NLK: variants seen among roughly 807,000 people sequenced by gnomAD.
NLK encodes the protein nemo like kinase.
In NLK, 11 loss-of-function variants were observed where a neutral mutation model predicts 59.0. That is an observed-to-expected ratio of 0.19 (90% confidence interval 0.12 to 0.31). NLK has a LOEUF of 0.31. Ranked by LOEUF, NLK falls within the 10% of genes least tolerant of loss-of-function variation. The probability of loss-of-function intolerance (pLI) is 1.00; values close to 1 mark genes in which losing one functional copy is unlikely to be tolerated. For synonymous variants in NLK, 235 were observed against 235.9 expected (o/e 1.00, Z 0.03); for missense variants, 410 against 661.1 (o/e 0.62, Z 4.16).
At chr17:28,183,052 G>A (rs761521732) in intron 7 of NLK, among the ~76,000 whole-genome samples, 16 of 152,164 alleles carry the variant, frequency 1.1e-4, no homozygotes, top group Non-Finnish European at 2.1e-4. Flanking sequence ...AAGAAACAGA[G>A]GATGTAAAAA....
At chr17:28,085,914 G>A (rs1050955694) in intron 1 of NLK, among the ~76,000 whole-genome samples, 2 of 152,108 alleles carry the variant, frequency 1.3e-5, no homozygotes, top group African/African-American at 2.4e-5. Flanking sequence ...AGGCTATACC[G>A]TATAGCCTAG....
At chr17:28,103,097 A>AAAAT (rs139640654) in intron 1 of NLK, among the ~76,000 whole-genome samples, 5 of 152,174 alleles carry the variant, frequency 3.3e-5, no homozygotes, top group African/African-American at 7.2e-5. Flanking sequence ...GAAAAATGGC[A>AAAAT]AAATAAATAA....
chr17:28,166,728 G>A (rs553603305), intron 5 of NLK, among the ~76,000 whole-genome samples: 124 of 152,096 alleles, frequency 8.2e-4, no homozygotes, highest in Non-Finnish European at 1.5e-3. Flanking sequence ...GTGGTGGCAC[G>A]GCTGCTGTTT....
At chr17:28,077,161 C>T (rs1176278883) in intron 1 of NLK, among the ~76,000 whole-genome samples, 1 of 146,650 alleles carries the variant, frequency 6.8e-6, no homozygotes, top group Non-Finnish European at 1.5e-5. Flanking sequence ...CTTTCCTTCC[C>T]TTGTTTGCCA....
chr17:28,202,175 T>C, the NLK span, among the ~76,000 whole-genome samples: 17 of 152,190 alleles, frequency 1.1e-4, no homozygotes, highest in Admixed American at 7.2e-4. Flanking sequence ...GCAAGAGGTA[T>C]TACTTGAAGC....
intron 4 of NLK, among the ~76,000 whole-genome samples, chr17:28,162,848 G>A (rs377390674): frequency 3.0e-4 from 45 of 152,032 alleles, no homozygotes; most frequent in African/African-American, 1.1e-3. Flanking sequence ...GAGCCAGGAA[G>A]GTCGAGGCTT....
At chr17:28,105,922 A>G (rs1905064676) in intron 1 of NLK, among the ~76,000 whole-genome samples, 1 of 152,150 alleles carries the variant, frequency 6.6e-6, no homozygotes, top group South Asian at 2.1e-4. Flanking sequence ...ATATAAAGAA[A>G]ATTTCTGTTT....
At chr17:28,143,110 C>A (rs1907078650) in intron 3 of NLK, among the ~76,000 whole-genome samples, 1 of 147,472 alleles carries the variant, frequency 6.8e-6, no homozygotes, top group African/African-American at 2.5e-5. Flanking sequence ...ATGGCATGAT[C>A]TTGGCTCACT....
At chr17:28,187,018 CAG>C (rs1909143455) in intron 8 of NLK, among the ~76,000 whole-genome samples, 1 of 152,132 alleles carries the variant, frequency 6.6e-6, no homozygotes, top group African/African-American at 2.4e-5. Flanking sequence ...ACATAACTAA[CAG>C]AAGATGTTGA....
At chr17:28,168,082 T>C (rs1908313134) in intron 5 of NLK, among the ~76,000 whole-genome samples, 1 of 151,538 alleles carries the variant, frequency 6.6e-6, no homozygotes, top group Non-Finnish European at 1.5e-5. Context: ...CCCAGCACTT[T>C]GGGAGGCCAA....
chr17:28,147,943 T>A (rs755591259), intron 3 of NLK, among the ~76,000 whole-genome samples: 1 of 152,166 alleles, frequency 6.6e-6, no homozygotes, highest in Non-Finnish European at 1.5e-5. Context: ...TTCCATAATT[T>A]TAATATCCAG....
At chr17:28,127,361 G>A (rs1273466364) in intron 2 of NLK, among the ~76,000 whole-genome samples, 1 of 152,160 alleles carries the variant, frequency 6.6e-6, no homozygotes, top group African/African-American at 2.4e-5. Context: ...GGGTTCATAA[G>A]TAGGTTACAG....
chr17:28,070,357 T>A (rs1909967555), intron 1 of NLK, among the ~76,000 whole-genome samples: 2 of 145,730 alleles, frequency 1.4e-5, no homozygotes, highest in South Asian at 4.3e-4. Context: ...GAAATTAATT[T>A]TTTTTTTTTT....
At position 28,104,009 on chromosome 17, in the gene NLK, T is replaced by C. The variant is rs775832129; in HGVS notation, c.459-18594T>C. On this transcript the variant is annotated intron_variant, in intron 1 of 10. Transcript: ENST00000407008. Reference sequence around the variant, plus strand: ...TGATAAATGTGTTTATTGCCTGATATTCATTTTATTACATTATTCACTGAA... The same window carrying C: ...TGATAAATGTGTTTATTGCCTGATACTCATTTTATTACATTATTCACTGAA... Among the ~76,000 whole-genome samples the C allele has an allele frequency of 8.5e-4, 129 of 152,352 alleles. 2 individuals carry two copies. The highest frequency in any genetic ancestry group is 2.5e-4 in the Non-Finnish European group (17 of 68,034).
intron 1 of NLK, among the ~76,000 whole-genome samples, chr17:28,066,625 A>G (rs892056182): frequency 5.3e-5 from 8 of 152,218 alleles, no homozygotes; most frequent in African/African-American, 1.4e-4. Flanking sequence ...TCTCTTGGGT[A>G]AATACCTAGG....
intron 1 of NLK, among the ~76,000 whole-genome samples, chr17:28,045,717 A>C (rs775747723): frequency 1.3e-5 from 2 of 152,202 alleles, no homozygotes; most frequent in Non-Finnish European, 2.9e-5. Context: ...GTATGACCTA[A>C]GTAAGACTGT....
At chr17:28,175,182 AC>A (rs1309052742) in intron 7 of NLK, among the ~76,000 whole-genome samples, 1 of 151,938 alleles carries the variant, frequency 6.6e-6, no homozygotes, top group Non-Finnish European at 1.5e-5. Context: ...GCGGCGGCTC[AC>A]ACCTGTAATC....
intron 3 of NLK, among the ~76,000 whole-genome samples, chr17:28,151,699 C>CT (rs1233350408): frequency 6.6e-6 from 1 of 152,114 alleles, no homozygotes; most frequent in Non-Finnish European, 1.5e-5. Context: ...TAACCTGTCC[C>CT]TATTTTTTAA....
At chr17:28,077,073 C>CTT (rs35639099) in intron 1 of NLK, among the ~76,000 whole-genome samples, 1,064 of 42,308 alleles carry the variant, frequency 0.025, 12 homozygotes, top group Non-Finnish European at 0.033. Flanking sequence ...CTCTTTCTTT[C>CTT]TTTTTTTTTT....
Sources: gnomAD v4.1 joint callset for allele counts (sites outside exome capture counted in the v4.1 genomes callset) on GRCh38, gnomAD v4.1.1 for gene constraint, MANE v1.5 for transcripts, NCBI Gene and HGNC (gene_info 2026-07-23, HGNC 2026-07-21) for gene names.